Variants in FARS2 observed in about 807,000 individuals in gnomAD.
FARS2 encodes the protein phenylalanyl-tRNA synthetase 2, mitochondrial, also known as phenylalanine--tRNA ligase, mitochondrial.
A neutral mutation model predicts 46.4 loss-of-function variants in FARS2; 40 were observed. The ratio of observed to expected loss-of-function variants is 0.86; its 90% CI spans 0.67 to 1.12. The LOEUF is 1.12. Among genes scored for constraint, FARS2 ranks in the 50% most tolerant of loss-of-function variants. The pLI is 0.00. For missense variants in FARS2, 513 were observed against 567.9 expected (o/e 0.90, Z 0.98); for synonymous variants, 234 against 214.9 (o/e 1.09, Z -0.78).
At chr6:5,454,591 A>C (rs568650993) in intron 4 of FARS2, among the ~76,000 whole-genome samples, 372 of 152,086 alleles carry the variant, frequency 2.4e-3, no homozygotes, top group Non-Finnish European at 4.0e-3. Flanking sequence ...TGACCCACCC[A>C]CCTCAGCCTC....
chr6:5,459,324 G>C (rs542599583), intron 4 of FARS2, among the ~76,000 whole-genome samples: 17 of 152,260 alleles, frequency 1.1e-4, no homozygotes, highest in African/African-American at 4.1e-4. Flanking sequence ...TTCGTTGTTA[G>C]TGGTTGCTTC....
At chr6:5,339,052 CAAACATTAAA>C (rs1771368361) in intron 1 of FARS2, among the ~76,000 whole-genome samples, 1 of 151,982 alleles carries the variant, frequency 6.6e-6, no homozygotes, top group South Asian at 2.1e-4. Flanking sequence ...TTTTTCATTT[CAAACATTAAA>C]AAACATTAAA....
At chr6:5,755,909 G>A (rs557594716) in intron 6 of FARS2, among the ~76,000 whole-genome samples, 1 of 152,276 alleles carries the variant, frequency 6.6e-6, no homozygotes, top group South Asian at 2.1e-4. Context: ...ACACAGACCT[G>A]GAATTTTAAT....
intron 2 of FARS2, among the ~76,000 whole-genome samples, chr6:5,399,870 C>G (rs1761149178): frequency 6.6e-6 from 1 of 152,106 alleles, no homozygotes. Flanking sequence ...TATTTAACAT[C>G]TTTCCAATGT....
intron 6 of FARS2, among the ~76,000 whole-genome samples, chr6:5,662,063 C>G (rs564182742): frequency 8.3e-4 from 126 of 152,264 alleles, no homozygotes; most frequent in African/African-American, 2.7e-3. Context: ...AATATTTTCT[C>G]TTGTTTTGCT....
At chr6:5,690,402 A>G (rs1040742047) in intron 6 of FARS2, among the ~76,000 whole-genome samples, 4 of 151,404 alleles carry the variant, frequency 2.6e-5, no homozygotes, top group African/African-American at 9.8e-5. Flanking sequence ...GGTGGTGACA[A>G]AATCTCTCAG....
intron 6 of FARS2, among the ~76,000 whole-genome samples, chr6:5,731,254 G>A (rs1004327616): frequency 2.6e-5 from 4 of 152,146 alleles, no homozygotes; most frequent in Non-Finnish European, 5.9e-5. Context: ...GACAAGCCCC[G>A]CTCCTGTTTT....
chr6:5,431,724 C>T (rs1432728560), intron 4 of FARS2: 23 of 531,056 alleles, frequency 4.3e-5, no homozygotes, highest in Admixed American at 3.7e-4. Context: ...TTGAATTCTA[C>T]GCATATCTAT....
intron 2 of FARS2, among the ~76,000 whole-genome samples, chr6:5,375,538 T>G (rs757978267): frequency 7.9e-5 from 12 of 152,054 alleles, no homozygotes; most frequent in Non-Finnish European, 1.6e-4. Flanking sequence ...TCACTGGATA[T>G]TTTGGAAAAA....
intron 1 of FARS2, among the ~76,000 whole-genome samples, chr6:5,273,140 A>G (rs1240089543): frequency 6.6e-6 from 1 of 152,208 alleles, no homozygotes; most frequent in East Asian, 1.9e-4. Flanking sequence ...TACAATGCAC[A>G]TATCTTTTTG....
intron 4 of FARS2, among the ~76,000 whole-genome samples, chr6:5,439,195 C>A (rs551050053): frequency 1.3e-5 from 2 of 152,174 alleles, no homozygotes; most frequent in South Asian, 4.1e-4. Flanking sequence ...GTTTTCTCAG[C>A]CTTTTCTGTG....
chr6:5,589,319 C>T (rs994203072), intron 5 of FARS2, among the ~76,000 whole-genome samples: 8 of 152,170 alleles, frequency 5.3e-5, no homozygotes, highest in African/African-American at 1.9e-4. Flanking sequence ...CAGAAAGCCC[C>T]AAGACAGCAC....
chr6:5,361,233 C>T (rs1418863715), intron 1 of FARS2, among the ~76,000 whole-genome samples: 5 of 152,142 alleles, frequency 3.3e-5, no homozygotes, highest in Non-Finnish European at 5.9e-5. Context: ...CATTCAAACT[C>T]GTTGCAACCA....
At chr6:5,258,934 A>C (rs766329121), upstream of FARS2, among the ~76,000 whole-genome samples, 13 of 152,216 alleles carry the variant, frequency 8.5e-5, no homozygotes, top group Admixed American at 2.6e-4. Flanking sequence ...TCAGTTGGCA[A>C]TTACTCATTT....
chr6:5,408,282 C>T (rs1002769751), intron 3 of FARS2, among the ~76,000 whole-genome samples: 2 of 152,194 alleles, frequency 1.3e-5, no homozygotes, highest in South Asian at 4.1e-4. Flanking sequence ...TGCTGAGGCA[C>T]ATGCACGCTG....
intron 3 of FARS2, among the ~76,000 whole-genome samples, chr6:5,405,480 CTTTTTT>C (rs398000284): frequency 1.4e-4 from 8 of 58,954 alleles, no homozygotes; most frequent in Middle Eastern, 0.017. Flanking sequence ...GAGCAAGGTT[CTTTTTT>C]TTTTTTTTTT....
intron 1 of FARS2, among the ~76,000 whole-genome samples, chr6:5,349,678 G>A (rs887199223): frequency 4.6e-5 from 7 of 152,028 alleles, no homozygotes; most frequent in Non-Finnish European, 8.8e-5. Flanking sequence ...AGATTTTCTC[G>A]TTTTTTACCT....
At chr6:5,546,529 A>C (rs2326641) in intron 5 of FARS2, among the ~76,000 whole-genome samples, 17,510 of 151,078 alleles carry the variant, frequency 0.12, 1,529 homozygotes, top group East Asian at 0.29. Flanking sequence ...GGATTACAGG[A>C]GTGAGCCACT....
chr6:5,682,038 G>A (rs1779059336), intron 6 of FARS2, among the ~76,000 whole-genome samples: 1 of 152,174 alleles, frequency 6.6e-6, no homozygotes, highest in Admixed American at 6.5e-5. Context: ...CTGCTAAAAG[G>A]ACACTTCCGA....
Sources: allele counts gnomAD v4.1 joint callset (sites outside exome capture counted in the v4.1 genomes callset), GRCh38; gene constraint gnomAD v4.1.1; transcripts MANE v1.5; gene names NCBI Gene and HGNC (gene_info 2026-07-23, HGNC 2026-07-21).